Variants in ALG1 observed in about 807,000 individuals in gnomAD.
ALG1 encodes chitobiosyldiphosphodolichol beta-mannosyltransferase.
Under a neutral mutation model 55.1 loss-of-function variants are expected in ALG1, and 58 were observed. That is an observed-to-expected ratio of 1.05 (90% CI 0.85 to 1.31). The LOEUF (loss-of-function observed/expected upper bound fraction) is 1.31. Among genes scored for constraint, ALG1 ranks in the 50% most tolerant of loss-of-function variants. The pLI is 0.00. For synonymous variants in ALG1, 309 were observed against 247.0 expected, an observed-to-expected ratio of 1.25 and a Z score of -2.35; for missense variants, 761 against 598.6, an observed-to-expected ratio of 1.27 and a Z score of -2.83.
rs1272727292 is a variant in ALG1, at chr16:5,086,141, G to A, written c.*1260G>A. Reference sequence around the variant, plus strand: ...ACTTGAGGTCAGGAGTTCGAGACCAGCCTGGCCAACATGGTGAAATCCCAT... The same window carrying A: ...ACTTGAGGTCAGGAGTTCGAGACCAACCTGGCCAACATGGTGAAATCCCAT... On this transcript the variant is annotated 3_prime_UTR_variant, in exon 13 of 13. Coordinates refer to ENST00000262374, the MANE Select transcript of ALG1 (RefSeq NM_019109.5). Among the ~76,000 whole-genome samples the A allele has an allele frequency of 6.6e-6, 1 of 152,144 alleles. No individual in the cohort carries two copies. The highest frequency in any genetic ancestry group is 1.5e-5 in the Non-Finnish European group (1 of 68,020).
At position 5,085,999 on chromosome 16, in the gene ALG1, G is replaced by A. The variant is rs532464961; in HGVS notation, c.*1118G>A. Among the ~76,000 whole-genome samples, 7 of 152,292 alleles carry A rather than the reference G, an allele frequency of 4.6e-5. No individual in the cohort carries two copies. The highest frequency in any genetic ancestry group is 9.6e-5 in the African/African-American group (4 of 41,570). ...TGTCTGCCCCAGCACTTGGCACAGC[G>A]GGACAGAAGCAGAGATCTGAATAGT... On this transcript the variant is annotated 3_prime_UTR_variant, in exon 13 of 13. Coordinates refer to ENST00000262374, the MANE Select transcript of ALG1 (RefSeq NM_019109.5).
At chr16:5,072,789 A>C (rs1258313179) in intron 1 of ALG1, among the ~76,000 whole-genome samples, 162 bp from the exon 2 acceptor site, 1 of 152,214 alleles carries the variant, frequency 6.6e-6, no homozygotes, top group Admixed American at 6.5e-5. Context: ...CAATCTGAAC[A>C]AGAATTGGCC....
chr16:5,080,227 C>G (rs1175542799), intron 9 of ALG1, among the ~76,000 whole-genome samples: 4 of 151,810 alleles, frequency 2.6e-5, no homozygotes, highest in Non-Finnish European at 5.9e-5. Flanking sequence ...ACCACAACTG[C>G]CTAATTTTTG....
At chr16:5,079,241 G>A (rs574948232) in intron 8 of ALG1, 139 bp downstream of exon 8, 363 of 1,152,724 alleles carry the variant, frequency 3.1e-4, no homozygotes, top group Non-Finnish European at 4.4e-4. Flanking sequence ...GGTGGAAGTG[G>A]GCCGCCCTGA....
At chr16:5,078,600 G>C in intron 6 of ALG1, 157 bp from the exon 7 acceptor site, 1 of 1,298,704 alleles carries the variant, frequency 7.7e-7, no homozygotes, top group Non-Finnish European at 1.1e-6. Flanking sequence ...GAGAAAGCAA[G>C]CCCAGGCCTC....
In ALG1 at chr16:5,072,056, C is replaced by T. The variant is rs747450067; in HGVS notation, c.207C>T (p.Cys69=). 2 of 1,557,706 alleles carry T rather than the reference C, an allele frequency of 1.3e-6. No individual in the cohort carries two copies. Among genetic ancestry groups the T allele is most frequent in the Non-Finnish European group, 8.7e-7 (1 of 1,153,450 alleles). Reference sequence around the variant, plus strand: ...TCTCGGTGACCCTCCTGGGGTTCTGCAGTGAGTGGCCAAGGGTCTGGGAGG... The same window carrying T: ...TCTCGGTGACCCTCCTGGGGTTCTGTAGTGAGTGGCCAAGGGTCTGGGAGG... The part of the protein sequence containing the change: ...HGFSVTLLGF[C]NSKPHDELLQ... The change falls in exon 1 of 13, where the codon TGC becomes TGT. Residue 69 remains cysteine, a splice_region_variant and synonymous_variant. Transcript: ENST00000262374.
chr16:5,084,277 G>C, intron 12 of ALG1: 1 of 322,964 alleles, frequency 3.1e-6, no homozygotes. Context: ...AGTAGCCACA[G>C]ATCATCTGTA....
chr16:5,080,374 G>A (rs571774031), intron 9 of ALG1, among the ~76,000 whole-genome samples: 1 of 152,252 alleles, frequency 6.6e-6, no homozygotes, highest in African/African-American at 2.4e-5. Context: ...CATGTCATTG[G>A]TGCCTTAACC....
At position 5,084,552 on chromosome 16, in the gene ALG1, G is replaced by A. The variant is rs191520205; in HGVS notation, c.1264-198G>A. ...CCAAGTGTGGGAAAGTGGGACATGCGGGGAAGTTTCCAGAAACTGTGATGT... is the reference window on the plus strand; with the variant it reads ...CCAAGTGTGGGAAAGTGGGACATGCAGGGAAGTTTCCAGAAACTGTGATGT... On this transcript the variant is annotated intron_variant, in intron 12 of 12. Transcript: ENST00000262374. 6,059 of 858,270 alleles carry A rather than the reference G, an allele frequency of 7.1e-3. 37 individuals carry two copies. Among genetic ancestry groups the A allele is most frequent in the South Asian group, 0.02 (1,221 of 61,792 alleles). The allele number at this position is 858,270 out of a possible 1,614,324, so 53.2% of individuals were successfully genotyped here.
At chr16:5,073,311 C>T in intron 3 of ALG1, 55 bp downstream of exon 3, 1 of 1,515,350 alleles carries the variant, frequency 6.6e-7, no homozygotes, top group African/African-American at 1.4e-5. Context: ...GTTTACTTTC[C>T]AGCACAAATT....
rs879087618 is a variant in ALG1, at chr16:5,075,259, C to T, written c.391-129C>T. ...TATTTTGGTGGTGGAGAGGGTCTTTCTTCTGCTTATTATCAAGAGCTCTGT... is the reference window on the plus strand; with the variant it reads ...TATTTTGGTGGTGGAGAGGGTCTTTTTTCTGCTTATTATCAAGAGCTCTGT... On this transcript the variant is annotated intron_variant, in intron 3 of 12. Coordinates refer to ENST00000262374, the MANE Select transcript of ALG1 (RefSeq NM_019109.5). 6.6e-6 allele frequency: 7 copies of T among 1,065,720 alleles called. No individual in the cohort carries two copies. In the South Asian group the frequency reaches 8.8e-5, roughly 13 times the overall value. 66.0% of individuals were successfully genotyped at this position (1,065,720 alleles called of 1,614,324 possible).
intron 8 of ALG1, 81 bp downstream of exon 8, chr16:5,079,183 G>T: frequency 1.3e-6 from 2 of 1,546,558 alleles, no homozygotes; most frequent in East Asian, 4.6e-5. Context: ...CCTGCAGCAT[G>T]TTCCTGTCCC....
At position 5,085,352 on chromosome 16, in the gene ALG1, C is replaced by T. The variant is rs1031759797; in HGVS notation, c.*471C>T. Reference sequence around the variant, plus strand: ...GGGGGAACATCATACTTGATACACACGTTTTTATTTGCACAAAGAAAATGC... The same window carrying T: ...GGGGGAACATCATACTTGATACACATGTTTTTATTTGCACAAAGAAAATGC... On this transcript the variant is annotated 3_prime_UTR_variant, in exon 13 of 13. Coordinates refer to ENST00000262374, the MANE Select transcript of ALG1 (RefSeq NM_019109.5). The T allele has an allele frequency of 7.9e-6, 4 of 508,676 alleles. No individual in the cohort carries two copies. Among genetic ancestry groups the T allele is most frequent in the African/African-American group, 1.9e-5 (1 of 51,540 alleles). The allele number at this position is 508,676 out of a possible 1,614,324, so 31.5% of individuals were successfully genotyped here.
rs1301741415 is a variant in ALG1, at chr16:5,080,160, C to T, written c.961+353C>T. ...TCGGCTCACTGCAACCTCCGCCTCCCACATTCAAGCAATTCTCATGCCCCA... is the reference window on the plus strand; with the variant it reads ...TCGGCTCACTGCAACCTCCGCCTCCTACATTCAAGCAATTCTCATGCCCCA... On this transcript the variant is annotated intron_variant, in intron 9 of 12. Transcript: ENST00000262374. 3.3e-5 allele frequency among the ~76,000 whole-genome samples: 5 copies of T among 151,414 alleles called. 1 individual carries two copies. The highest frequency in any genetic ancestry group is 7.4e-5 in the Non-Finnish European group (5 of 67,858).
chr16:5,077,373 G>T (rs1956932317), intron 4 of ALG1, 72 bp from the exon 5 acceptor site: 1 of 1,312,268 alleles, frequency 7.6e-7, no homozygotes, highest in Admixed American at 1.7e-5. Flanking sequence ...TCTGTTGAGG[G>T]ATGTCGAGTC....
chr16:5,083,821 C>G, intron 12 of ALG1, 64 bp downstream of exon 12: 1 of 1,595,844 alleles, frequency 6.3e-7, no homozygotes, highest in Non-Finnish European at 8.5e-7. Flanking sequence ...GAGCCAGGCT[C>G]CCTGATCCCT....
At chr16:5,079,599 G>C in intron 8 of ALG1, 149 bp from the exon 9 acceptor site, 1 of 916,894 alleles carries the variant, frequency 1.1e-6, no homozygotes, top group Non-Finnish European at 1.7e-6. Flanking sequence ...TGATGCACGA[G>C]AATTACTTGA....
intron 10 of ALG1, among the ~76,000 whole-genome samples, 167 bp downstream of exon 10, chr16:5,081,223 G>T (rs915602745): frequency 3.1e-4 from 47 of 152,204 alleles, no homozygotes; most frequent in African/African-American, 1.1e-3. Context: ...TCCCTGCCAG[G>T]TGGCCCCAGG....
chr16:5,079,369 A>C (rs1344323519), intron 8 of ALG1, among the ~76,000 whole-genome samples: 1 of 152,182 alleles, frequency 6.6e-6, no homozygotes, highest in Non-Finnish European at 1.5e-5. Flanking sequence ...CCACCTGACC[A>C]GGTGACTCTG....
Sources: allele counts gnomAD v4.1 joint callset (sites outside exome capture counted in the v4.1 genomes callset), GRCh38; gene constraint gnomAD v4.1.1; transcripts MANE v1.5; gene names NCBI Gene and HGNC (gene_info 2026-07-23, HGNC 2026-07-21).